Variants in CSMD1 observed in about 807,000 individuals in gnomAD.
CSMD1 encodes the protein CUB and sushi domain-containing protein 1.
Under a neutral mutation model 417.5 loss-of-function variants are expected in CSMD1, and 213 were observed. The observed-to-expected ratio is 0.51, with a 90% CI of 0.46 to 0.57. The LOEUF is 0.57. Ranked by LOEUF, CSMD1 falls within the 20% of genes least tolerant of loss-of-function variation. CSMD1 has a pLI of 0.00. For synonymous variants in CSMD1, 2,862 were observed against 1,736.8 expected (o/e 1.65, Z -16.11); for missense variants, 6,923 against 4,529.7 (o/e 1.53, Z -15.17).
At chr8:4,755,057 GA>G (rs1476090385) in intron 1 of CSMD1, among the ~76,000 whole-genome samples, 6 of 152,104 alleles carry the variant, frequency 3.9e-5, no homozygotes, top group Non-Finnish European at 8.8e-5. Context: ...AGAATTGCTT[GA>G]ACCCGGGAGG....
chr8:4,474,393 CAG>C (rs1204139283), intron 2 of CSMD1, among the ~76,000 whole-genome samples: 3 of 151,964 alleles, frequency 2.0e-5, no homozygotes, highest in Non-Finnish European at 4.4e-5. Context: ...AAGAGGAGGA[CAG>C]AGAATTGGTC....
intron 5 of CSMD1, among the ~76,000 whole-genome samples, chr8:3,844,807 T>G (rs1803384045): frequency 6.6e-6 from 1 of 152,192 alleles, no homozygotes; most frequent in Non-Finnish European, 1.5e-5. Context: ...CATAGAAGAA[T>G]CAGAACAGAT....
At chr8:3,530,410 G>T (rs1262941912) in intron 10 of CSMD1, among the ~76,000 whole-genome samples, 1 of 151,944 alleles carries the variant, frequency 6.6e-6, no homozygotes, top group South Asian at 2.1e-4. Context: ...TTTTTTCTTC[G>T]ATCTAATGAT....
chr8:4,114,669 A>G (rs967100303), intron 3 of CSMD1, among the ~76,000 whole-genome samples: 38 of 152,230 alleles, frequency 2.5e-4, no homozygotes, highest in African/African-American at 7.0e-4. Flanking sequence ...GCCATTAAGA[A>G]AAATTGTGCT....
chr8:3,278,139 A>G (rs1802447234), intron 26 of CSMD1, among the ~76,000 whole-genome samples: 1 of 152,214 alleles, frequency 6.6e-6, no homozygotes, highest in Non-Finnish European at 1.5e-5. Flanking sequence ...CCCTTGGAAT[A>G]AGGAGGAACA....
chr8:4,611,428 C>T (rs1343393040), intron 2 of CSMD1, among the ~76,000 whole-genome samples: 2 of 152,212 alleles, frequency 1.3e-5, no homozygotes, highest in Non-Finnish European at 1.5e-5. Flanking sequence ...TTAAACTCCA[C>T]TGCCATAAAC....
At chr8:3,839,029 ATATATT>A (rs1353712108) in intron 5 of CSMD1, among the ~76,000 whole-genome samples, 2 of 128,082 alleles carry the variant, frequency 1.6e-5, no homozygotes, top group African/African-American at 5.7e-5. Context: ...TTGATATTAT[ATATATT>A]TATTATATAT....
At chr8:4,744,042 C>T (rs750722591) in intron 1 of CSMD1, among the ~76,000 whole-genome samples, 17 of 152,180 alleles carry the variant, frequency 1.1e-4, no homozygotes, top group South Asian at 2.1e-4. Context: ...CACACGCAGC[C>T]CCGTTTTTCT....
intron 6 of CSMD1, among the ~76,000 whole-genome samples, chr8:3,720,621 A>T (rs28656998): frequency 0.055 from 489 of 8,926 alleles, 5 homozygotes; most frequent in East Asian, 0.14. Flanking sequence ...CTTTATTCTT[A>T]CACACACACA....
At chr8:3,910,566 G>A (rs1287209246) in intron 5 of CSMD1, among the ~76,000 whole-genome samples, 1 of 152,166 alleles carries the variant, frequency 6.6e-6, no homozygotes, top group Admixed American at 6.5e-5. Context: ...TGAGCAGACA[G>A]TATTATGAAT....
rs551480710 is a variant in CSMD1 at position 3,913,302 on chromosome 8, G to C, written c.818+84601C>G. Among the ~76,000 whole-genome samples, 36 of 152,216 alleles carry C rather than the reference G, an allele frequency of 2.4e-4. No individual in the cohort carries two copies. In the East Asian group the frequency reaches 6.8e-3, roughly 29 times the overall value. Reference sequence around the variant, plus strand: ...AGGTTTTTGTCAAAGGATCCTGTGAGGACCATCGACCTGCTCAGGAGTGAG... The same window carrying C: ...AGGTTTTTGTCAAAGGATCCTGTGACGACCATCGACCTGCTCAGGAGTGAG... On this transcript the variant is annotated intron_variant, in intron 5 of 69. Coordinates refer to ENST00000635120, the MANE Select transcript of CSMD1 (RefSeq NM_033225.6).
intron 6 of CSMD1, among the ~76,000 whole-genome samples, chr8:3,750,341 A>G (rs563698877): frequency 3.3e-5 from 5 of 149,840 alleles, no homozygotes; most frequent in East Asian, 1.9e-4. Context: ...TCTTATATAT[A>G]TCATATATAT....
chr8:4,887,191 G>A (rs553422381), intron 1 of CSMD1, among the ~76,000 whole-genome samples: 42 of 152,006 alleles, frequency 2.8e-4, no homozygotes, highest in African/African-American at 7.5e-4. Context: ...TGCCTTTACC[G>A]CAAAGTATTT....
At chr8:4,733,662 G>C (rs370262495) in intron 1 of CSMD1, among the ~76,000 whole-genome samples, 4 of 152,174 alleles carry the variant, frequency 2.6e-5, no homozygotes, top group East Asian at 3.8e-4. Context: ...CATCTGAACA[G>C]GTATTTTGTT....
At chr8:2,959,887 G>A (rs2128924520) in intron 62 of CSMD1, among the ~76,000 whole-genome samples, 1 of 152,244 alleles carries the variant, frequency 6.6e-6, no homozygotes, top group East Asian at 1.9e-4. Context: ...TGGTGTCTGG[G>A]CTCTTTAAAT....
chr8:3,927,032 G>T (rs893160822), intron 5 of CSMD1, among the ~76,000 whole-genome samples: 37 of 151,638 alleles, frequency 2.4e-4, no homozygotes, highest in African/African-American at 7.3e-4. Context: ...ATCTTTAAAA[G>T]TACTTTTTGT....
chr8:4,556,826 G>A (rs1482344976), intron 2 of CSMD1, among the ~76,000 whole-genome samples: 1 of 152,086 alleles, frequency 6.6e-6, no homozygotes, highest in East Asian at 1.9e-4. Flanking sequence ...AACACTCATT[G>A]GAGCACTTAG....
At chr8:3,730,257 T>A (rs560721986) in intron 6 of CSMD1, among the ~76,000 whole-genome samples, 1 of 152,124 alleles carries the variant, frequency 6.6e-6, no homozygotes, top group Non-Finnish European at 1.5e-5. Flanking sequence ...AGAAAATACC[T>A]TGAGCACATG....
intron 26 of CSMD1, among the ~76,000 whole-genome samples, chr8:3,261,766 G>C (rs1284293581): frequency 6.6e-6 from 1 of 152,072 alleles, no homozygotes; most frequent in Non-Finnish European, 1.5e-5. Context: ...CACACTGCCT[G>C]ATTCCCTCCA....
Sources: allele counts gnomAD v4.1 joint callset (sites outside exome capture counted in the v4.1 genomes callset), GRCh38; gene constraint gnomAD v4.1.1; transcripts MANE v1.5; gene names NCBI Gene and HGNC (gene_info 2026-07-23, HGNC 2026-07-21).